The following FBF1 variants were observed in gnomAD, a reference collection of about 807,000 sequenced individuals.
FBF1 encodes the protein Fas binding factor 1, also known as fas-binding factor 1.
A neutral mutation model predicts 147.2 loss-of-function variants in FBF1; 119 were observed. The observed-to-expected ratio is 0.81, with a 90% CI of 0.70 to 0.94. The LOEUF (loss-of-function observed/expected upper bound fraction) is 0.94, where lower values mean the gene tolerates loss of function less well. FBF1 is among the 40% of genes least tolerant of loss of function. The pLI, the probability that FBF1 is intolerant of heterozygous loss-of-function variation, is 0.00. For missense variants in FBF1, 1,449 were observed against 1,500.8 expected (o/e 0.97, Z 0.57); for synonymous variants, 601 against 609.0 (o/e 0.99, Z 0.19).
Position 75,913,834 on chromosome 17 carries a change from C to A in FBF1, c.3130-15G>T. 3 of 1,590,640 alleles carry A rather than the reference C, an allele frequency of 1.9e-6. No individual in the cohort carries two copies. The highest frequency in any genetic ancestry group is 2.6e-6 in the Non-Finnish European group (3 of 1,172,268). On this transcript the variant is annotated splice_polypyrimidine_tract_variant and intron_variant, in intron 27 of 29. Coordinates refer to ENST00000636174, the MANE Select transcript of FBF1 (RefSeq NM_001319193.2). ...CTCAGATGCTCCTGTCCCCGTTCCC[C>A]CAGAAAGAAGGACTCAGCTGTGAGG...
chr17:75,912,630 G>T (rs2065462993), intron 28 of FBF1, among the ~76,000 whole-genome samples: 1 of 152,246 alleles, frequency 6.6e-6, no homozygotes, highest in Non-Finnish European at 1.5e-5. Context: ...AAACTGTGCT[G>T]ATTGGGAATT....
rs904443483 is a variant in FBF1 at position 75,919,106 on chromosome 17, T to C, written c.2138+562A>G. 3.3e-5 allele frequency among the ~76,000 whole-genome samples: 5 copies of C among 151,628 alleles called. No individual in the cohort carries two copies. Among genetic ancestry groups the C allele is most frequent in the African/African-American group, 9.7e-5 (4 of 41,286 alleles). ...ATTGTTTTTAGAGATGAGGTCTCAC[T>C]GTGTTGCCCAGACTGGTCTCAAACT... On this transcript the variant is annotated intron_variant, in intron 20 of 29. Coordinates refer to ENST00000636174, the MANE Select transcript of FBF1 (RefSeq NM_001319193.2). The surrounding 1 kb of genome is among the most constrained non-coding windows in gnomAD (Gnocchi z 5.0).
At chr17:75,912,618 G>A (rs906798432) in intron 28 of FBF1, among the ~76,000 whole-genome samples, 10 of 152,248 alleles carry the variant, frequency 6.6e-5, no homozygotes, top group Non-Finnish European at 2.9e-5. Flanking sequence ...CCTCACAGTG[G>A]AAAACTGTGC....
Position 75,935,690 on chromosome 17 carries a change from A to G in FBF1, c.32-17T>C. ...CAATGGAGCCTGGAACAGAAAAGGG[A>G]CTGTCATGACTTCAGGAGGAAAGAA... On this transcript the variant is annotated splice_polypyrimidine_tract_variant and intron_variant, in intron 3 of 29. Coordinates refer to ENST00000636174, the MANE Select transcript of FBF1 (RefSeq NM_001319193.2). 6.5e-7 allele frequency: 1 copy of G among 1,535,848 alleles called. No homozygotes were observed.
chr17:75,917,973 C>T lies in FBF1; in HGVS notation c.2344G>A (p.Glu782Lys). The T allele has an allele frequency of 6.2e-7, 1 of 1,609,668 alleles. No homozygotes were observed. The highest frequency in any genetic ancestry group is 8.5e-7 in the Non-Finnish European group (1 of 1,177,432). ...VEASHLTTSQ[E>K]RELGIRQRDE... The stretch of plus-strand genomic sequence containing the variant: ...CGCTGCCGGATCCCCAGCTCCCGCT[C>T]CTGGGAGGTGGTGAGGTGCGAGGCC... The change falls in exon 22 of 30, where the codon GAG (glutamate) becomes AAG (lysine). Residue 782 changes from glutamate (E) to lysine (K), a missense_variant. By Grantham distance (56) the Glu-to-Lys change is moderately conservative. Transcript: ENST00000636174.
At chr17:75,933,140 T>A in intron 4 of FBF1, 52 bp from the exon 5 acceptor site, 2 of 1,418,340 alleles carry the variant, frequency 1.4e-6, no homozygotes, top group African/African-American at 1.4e-5. Flanking sequence ...GTACCTGGAG[T>A]CAAGATGCAA....
At position 75,910,904 on chromosome 17, in the gene FBF1, C is replaced by A. The variant is rs1186766565; in HGVS notation, c.3364-98G>T. On this transcript the variant is annotated intron_variant, in intron 29 of 29. Coordinates refer to ENST00000636174, the MANE Select transcript of FBF1 (RefSeq NM_001319193.2). This position sits in a 1 kb window ranked among gnomAD's most constrained non-coding sequence, Gnocchi z 4.1. ...AGCCAGCCGTCACTGAGGCCCCTCC[C>A]CACATCGTCCCTGACTCTGCCTGGC... is the stretch of plus-strand genomic sequence containing the variant. 1.0e-6 allele frequency: 1 copy of A among 998,032 alleles called. No individual in the cohort carries two copies. The highest frequency in any genetic ancestry group is 2.1e-5 in the Admixed American group (1 of 48,710). The allele number at this position is 998,032 out of a possible 1,614,324, so 61.8% of individuals were successfully genotyped here.
At position 75,922,782 on chromosome 17, in the gene FBF1, C is replaced by T. The variant is rs2065535866; in HGVS notation, c.1424+404G>A. ...AAGAGCACAGGGACATCTCAGCTCA[C>T]ACACGCCATACTCGCTTCAGTGGAG... On this transcript the variant is annotated intron_variant, in intron 14 of 29. Transcript: ENST00000636174. The surrounding 1 kb of genome is among the most constrained non-coding windows in gnomAD (Gnocchi z 5.0). Among the ~76,000 whole-genome samples the T allele has an allele frequency of 6.6e-6, 1 of 152,254 alleles. No individual in the cohort carries two copies. Among genetic ancestry groups the T allele is most frequent in the Non-Finnish European group, 1.5e-5 (1 of 68,044 alleles).
rs1176188280 is a variant in FBF1 at position 75,935,613 on chromosome 17, C to G, written c.73+19G>C. 2.0e-6 allele frequency: 3 copies of G among 1,534,306 alleles called. No individual in the cohort carries two copies. The highest frequency in any genetic ancestry group is 1.7e-6 in the Non-Finnish European group (2 of 1,145,930). ...CAGCAGCAGCCCAAATTAGGGGATTCTGGGCAAGGCACACTTACTATCATC... is the reference window on the plus strand; with the variant it reads ...CAGCAGCAGCCCAAATTAGGGGATTGTGGGCAAGGCACACTTACTATCATC... On this transcript the variant is annotated intron_variant, in intron 4 of 29. Coordinates refer to ENST00000636174, the MANE Select transcript of FBF1 (RefSeq NM_001319193.2).
chr17:75,917,451 C>G (rs779001571), intron 23 of FBF1, among the ~76,000 whole-genome samples: 1 of 152,148 alleles, frequency 6.6e-6, no homozygotes, highest in African/African-American at 2.4e-5. Flanking sequence ...CTGATGGTTG[C>G]GGGGGCTAGA....
chr17:75,914,836 T>A lies in FBF1; in HGVS notation c.2725A>T (p.Lys909Ter). 6.2e-7 allele frequency: 1 copy of A among 1,600,034 alleles called. No individual in the cohort carries two copies. Among genetic ancestry groups the A allele is most frequent in the Non-Finnish European group, 8.5e-7 (1 of 1,173,420 alleles). The change falls in exon 25 of 30, where the codon AAG (lysine) becomes TAG (stop). Residue 909 changes from lysine (K) to a stop codon, truncating the protein, a stop_gained. Transcript: ENST00000636174. LOFTEE classifies it high-confidence loss of function. ...CGCTCGGCCCGCTCCTTACTCAGCT[T>A]TTGCTGCGCGGAGAACTCCGCCCAC... Reference protein sequence around the residue: ...AEWAEFSAQQKLSKERAEREA... With the variant: ...AEWAEFSAQQ
rs2065552720 is a variant in FBF1 at position 75,925,244 on chromosome 17, C to T, written c.968+103G>A. 2.4e-6 allele frequency: 2 copies of T among 847,756 alleles called. No homozygotes were observed. The highest frequency in any genetic ancestry group is 2.7e-5 in the East Asian group (1 of 37,264). 52.5% of individuals were successfully genotyped at this position (847,756 alleles called of 1,614,324 possible). A position where few individuals can be genotyped will look rare whatever the true frequency, so the allele number is the denominator to read the frequency against. ...CTGAGGGCCTTGTACCCTGTGGCCTCCCACATGAGACTCTCGGGTGGGACA... is the reference window on the plus strand; with the variant it reads ...CTGAGGGCCTTGTACCCTGTGGCCTTCCACATGAGACTCTCGGGTGGGACA... On this transcript the variant is annotated intron_variant, in intron 13 of 29. Transcript: ENST00000636174. The surrounding 1 kb of genome is among the most constrained non-coding windows in gnomAD (Gnocchi z 5.0).
In FBF1 at chr17:75,918,276, G is replaced by A. The variant is rs1454358742; in HGVS notation, c.2139-7C>T. On this transcript the variant is annotated splice_region_variant and splice_polypyrimidine_tract_variant and intron_variant, in intron 20 of 29. Transcript: ENST00000636174. The surrounding 1 kb of genome is among the most constrained non-coding windows in gnomAD (Gnocchi z 5.8). ...CATGTCTAGGATGGACGCCCTGAGG[G>A]GAGGCGGGAGGGGAAGGCGGTCACT... is the stretch of plus-strand genomic sequence containing the variant. 2.5e-6 allele frequency: 4 copies of A among 1,610,220 alleles called. No individual in the cohort carries two copies. The highest frequency in any genetic ancestry group is 2.2e-5 in the East Asian group (1 of 44,772).
intron 1 of FBF1, among the ~76,000 whole-genome samples, chr17:75,939,619 C>T (rs1164142779): frequency 1.3e-5 from 2 of 151,962 alleles, no homozygotes; most frequent in Non-Finnish European, 2.9e-5. Context: ...TGGTATTGAA[C>T]TCTGGGGCTC....
Position 75,915,078 on chromosome 17 carries a change from T to C in FBF1, c.2567A>G (p.Glu856Gly), listed in dbSNP as rs1228859830. The C allele has an allele frequency of 3.7e-6, 6 of 1,613,080 alleles. No homozygotes were observed. Among genetic ancestry groups the C allele is most frequent in the Non-Finnish European group, 5.1e-6 (6 of 1,179,820 alleles). ...CTGCTGGGCCGTGACCTTCCTTTGC[T>C]CCTCTAGGGCGCGCTGCATGGACTC... Reference protein sequence around the residue: ...KAESMQRALEEQRKVTAQQMA... With the variant: ...KAESMQRALEGQRKVTAQQMA... The change falls in exon 24 of 30, where the codon GAG becomes GGG. Residue 856 changes from glutamate (E) to glycine (G), a missense_variant. Transcript: ENST00000636174.
chr17:75,923,089 A>G lies in FBF1; in HGVS notation c.1424+97T>C, dbSNP rs2144172796. The G allele has an allele frequency of 7.9e-7, 1 of 1,260,006 alleles. No individual in the cohort carries two copies. The highest frequency in any genetic ancestry group is 1.1e-6 in the Non-Finnish European group (1 of 923,204). 78.1% of individuals were successfully genotyped at this position (1,260,006 alleles called of 1,614,324 possible). A position where few individuals can be genotyped will look rare whatever the true frequency, so the allele number is the denominator to read the frequency against. On this transcript the variant is annotated intron_variant, in intron 14 of 29. Coordinates refer to ENST00000636174, the MANE Select transcript of FBF1 (RefSeq NM_001319193.2). The surrounding 1 kb of genome is among the most constrained non-coding windows in gnomAD (Gnocchi z 4.1). ...CCACGGCGCCCTGCCTTGTTCCCCA[A>G]CTGCTGACTGAGGCTGCAACAGGTG...
At position 75,912,225 on chromosome 17, in the gene FBF1, G is replaced by A. The variant is rs574359463; in HGVS notation, c.3330C>T (p.Ala1110=). ...CCATGTGCCTCAGCAGTGCCAGCCT[G>A]GCATGGAGGTGCAAGGGGCTGGGGT... The part of the protein sequence containing the change: ...GLDPSPLHLH[A]RLALLRHMAE... The change falls in exon 29 of 30, where the codon GCC becomes GCT. Residue 1110 remains alanine, a synonymous_variant. Coordinates refer to ENST00000636174, the MANE Select transcript of FBF1 (RefSeq NM_001319193.2). The A allele has an allele frequency of 1.3e-5, 21 of 1,611,002 alleles. No homozygotes were observed. In the African/African-American group the frequency reaches 1.7e-4, roughly 13 times the overall value.
At position 75,914,160 on chromosome 17, in the gene FBF1, C is replaced by G; in HGVS notation, c.2953G>C (p.Val985Leu). The G allele has an allele frequency of 6.2e-7, 1 of 1,601,624 alleles. No individual in the cohort carries two copies. Among genetic ancestry groups the G allele is most frequent in the Non-Finnish European group, 8.5e-7 (1 of 1,176,492 alleles). Reference sequence around the variant, plus strand: ...TCCACCTCCTCGGCGCGGAGCTTGACACGCAGGGCGGTGGCGTTGATCCTC... The same window carrying G: ...TCCACCTCCTCGGCGCGGAGCTTGAGACGCAGGGCGGTGGCGTTGATCCTC... ...KERINATALR[V>L]KLRAEEVESM... Residue 985 changes from valine to leucine, a missense_variant, in exon 26 of 30, where the codon GTC (valine) becomes CTC (leucine). Physicochemically the swap from Val to Leu is conservative, Grantham distance 32. Coordinates refer to ENST00000636174, the MANE Select transcript of FBF1 (RefSeq NM_001319193.2).
At position 75,914,115 on chromosome 17, in the gene FBF1, G is replaced by C. The variant is rs749281513; in HGVS notation, c.2991+7C>G. 13 of 1,598,350 alleles carry C rather than the reference G, an allele frequency of 8.1e-6. No homozygotes were observed. The East Asian group carries it at 2.7e-4, about 33-fold the overall frequency. On this transcript the variant is annotated splice_region_variant and intron_variant, in intron 26 of 29. Coordinates refer to ENST00000636174, the MANE Select transcript of FBF1 (RefSeq NM_001319193.2). ...GATGCGCCCACGCCCATGTGCCCGA[G>C]CAGCACCTTGCTCATGCTCTCCACC...
Sources: gnomAD v4.1 joint callset for allele counts (sites outside exome capture counted in the v4.1 genomes callset) on GRCh38, gnomAD v4.1.1 for gene constraint, Gnocchi (gnomAD v3.1) non-coding constraint, MANE v1.5 for transcripts, NCBI Gene and HGNC (gene_info 2026-07-23, HGNC 2026-07-21) for gene names.